ACVR1: variants seen among roughly 807,000 people sequenced by gnomAD.
ACVR1 encodes activin A receptor type 1, also known as activin receptor type-1.
A neutral mutation model predicts 57.1 loss-of-function variants in ACVR1; 38 were observed. The observed-to-expected ratio is 0.67, with a 90% CI of 0.51 to 0.87. ACVR1 has a LOEUF of 0.87. Among genes scored for constraint, ACVR1 ranks in the 40% least tolerant of loss-of-function variants. ACVR1 has a pLI of 0.00. For synonymous variants in ACVR1, 212 were observed against 228.1 expected (o/e 0.93, Z 0.63); for missense variants, 463 against 638.2 (o/e 0.73, Z 2.96).
chr2:157,798,729 T>C (rs1431013800), intron 3 of ACVR1, among the ~76,000 whole-genome samples: 1 of 152,094 alleles, frequency 6.6e-6, no homozygotes, highest in Non-Finnish European at 1.5e-5. Flanking sequence ...GGTTTCACCA[T>C]GTTGGCCAGG....
chr2:157,807,905 C>T (rs1009746777), intron 2 of ACVR1, among the ~76,000 whole-genome samples: 6 of 135,730 alleles, frequency 4.4e-5, no homozygotes, highest in African/African-American at 1.6e-4. Flanking sequence ...CAGAGAGGTA[C>T]ATTTCTCTCT....
At chr2:157,766,487 A>G (rs1333968002) in intron 7 of ACVR1, among the ~76,000 whole-genome samples, 1 of 152,204 alleles carries the variant, frequency 6.6e-6, no homozygotes, top group Non-Finnish European at 1.5e-5. Context: ...CTTTGTGCTC[A>G]CCCATAATGA....
intron 2 of ACVR1, among the ~76,000 whole-genome samples, chr2:157,800,533 T>C (rs1471690887): frequency 6.6e-6 from 1 of 152,120 alleles, no homozygotes; most frequent in Non-Finnish European, 1.5e-5. Flanking sequence ...TTACAAACCA[T>C]ACCTCCATCA....
rs576106158 is a variant in ACVR1, at chr2:157,810,421, C to A, written c.-8+7964G>T. ...GCCAGGCCCCATTCCTTCCTTCTTTCTCAAGGATGGGCCAGAAAGGCCCAA... is the reference window on the plus strand; with the variant it reads ...GCCAGGCCCCATTCCTTCCTTCTTTATCAAGGATGGGCCAGAAAGGCCCAA... On this transcript the variant is annotated intron_variant, in intron 2 of 10. Transcript: ENST00000434821. Among the ~76,000 whole-genome samples, 4 of 152,296 alleles carry A rather than the reference C, an allele frequency of 2.6e-5. No individual in the cohort carries two copies. The South Asian group carries it at 8.3e-4, about 32-fold the overall frequency.
At chr2:157,785,669 A>C (rs1261264852) in intron 3 of ACVR1, among the ~76,000 whole-genome samples, 2 of 152,178 alleles carry the variant, frequency 1.3e-5, no homozygotes, top group Non-Finnish European at 2.9e-5. Context: ...TTTTTTCCTT[A>C]TCCGAGAGAC....
chr2:157,774,631 T>G (rs1226803717), intron 5 of ACVR1, among the ~76,000 whole-genome samples: 1 of 152,236 alleles, frequency 6.6e-6, no homozygotes, highest in East Asian at 1.9e-4. Context: ...CCCAAAGCAC[T>G]GGGATTACAG....
chr2:157,809,877 C>A (rs1427325525), intron 2 of ACVR1, among the ~76,000 whole-genome samples: 2 of 151,968 alleles, frequency 1.3e-5, no homozygotes, highest in Non-Finnish European at 2.9e-5. Flanking sequence ...GATCTCAAGA[C>A]CAGCATGGGC....
chr2:157,777,586 T>C (rs1012935959), intron 5 of ACVR1, among the ~76,000 whole-genome samples: 1 of 152,222 alleles, frequency 6.6e-6, no homozygotes, highest in African/African-American at 2.4e-5. Context: ...TTACATGTGA[T>C]GCACATGTTT....
At chr2:157,836,698 TC>T (rs1688794099) in intron 1 of ACVR1, among the ~76,000 whole-genome samples, 1 of 152,042 alleles carries the variant, frequency 6.6e-6, no homozygotes, top group African/African-American at 2.4e-5. Context: ...TAGCACTGAG[TC>T]CCCAGTCCCT....
chr2:157,751,735 G>A (rs992591280), intron 9 of ACVR1, among the ~76,000 whole-genome samples: 1 of 152,152 alleles, frequency 6.6e-6, no homozygotes, highest in African/African-American at 2.4e-5. Flanking sequence ...CAGCCATAAT[G>A]CTGGGAACAT....
intron 8 of ACVR1, among the ~76,000 whole-genome samples, chr2:157,762,006 T>G (rs1342851234): frequency 1.3e-5 from 2 of 152,148 alleles, no homozygotes; most frequent in East Asian, 3.8e-4. Context: ...GGATGACAAT[T>G]TCATATAACA....
At chr2:157,843,800 T>TA (rs1482312072) in intron 1 of ACVR1, among the ~76,000 whole-genome samples, 13 of 152,266 alleles carry the variant, frequency 8.5e-5, no homozygotes, top group Admixed American at 2.0e-4. Context: ...AGTAAAACTC[T>TA]AAATGAAGAT....
intron 1 of ACVR1, among the ~76,000 whole-genome samples, chr2:157,859,768 C>T (rs548931911): frequency 1.1e-4 from 16 of 152,244 alleles, no homozygotes; most frequent in Admixed American, 3.9e-4. Flanking sequence ...GCCCACACTT[C>T]GATTATCCCC....
chr2:157,782,141 A>C (rs1204936182), intron 3 of ACVR1, among the ~76,000 whole-genome samples: 2 of 152,144 alleles, frequency 1.3e-5, no homozygotes, highest in Admixed American at 6.5e-5. Flanking sequence ...TTATCTCAAA[A>C]AGAGAAAAGC....
intron 6 of ACVR1, 119 bp downstream of exon 6, chr2:157,773,969 A>T (rs75757074): frequency 1.2e-6 from 1 of 825,450 alleles, no homozygotes; most frequent in Non-Finnish European, 2.0e-6. Flanking sequence ...ACCACATCTC[A>T]TAAGTTTAAT....
rs113375105 is a variant in ACVR1, at chr2:157,749,634, G to A, written c.1265-11064C>T. 5.3e-3 allele frequency among the ~76,000 whole-genome samples: 813 copies of A among 152,316 alleles called. 5 individuals are homozygous for A. Among genetic ancestry groups the A allele is most frequent in the African/African-American group, 0.018 (747 of 41,572 alleles). On this transcript the variant is annotated intron_variant, in intron 9 of 10. Coordinates refer to ENST00000434821, the MANE Select transcript of ACVR1 (RefSeq NM_001111067.4). ...GGAGGGTGGGAAGAAAGGTAAAACA[G>A]GAAGCTGGAGAAAGACAAGAATGAA...
At chr2:157,739,981 C>T (rs1574003043) in intron 9 of ACVR1, among the ~76,000 whole-genome samples, 1 of 151,940 alleles carries the variant, frequency 6.6e-6, no homozygotes, top group South Asian at 2.1e-4. Context: ...GGTCAGTGTT[C>T]GAGACAAGCC....
intron 5 of ACVR1, among the ~76,000 whole-genome samples, chr2:157,777,395 T>A (rs1416399221): frequency 1.3e-5 from 2 of 152,218 alleles, no homozygotes; most frequent in African/African-American, 4.8e-5. Flanking sequence ...TTTTGAAAAT[T>A]TACTTCAAAA....
At chr2:157,837,665 G>T (rs902873248) in intron 1 of ACVR1, among the ~76,000 whole-genome samples, 1 of 152,108 alleles carries the variant, frequency 6.6e-6, no homozygotes, top group Non-Finnish European at 1.5e-5. Flanking sequence ...AAGCAACCCA[G>T]ACAAACAGGC....
Sources: gnomAD v4.1 joint callset for allele counts (sites outside exome capture counted in the v4.1 genomes callset) on GRCh38, gnomAD v4.1.1 for gene constraint, MANE v1.5 for transcripts, NCBI Gene and HGNC (gene_info 2026-07-23, HGNC 2026-07-21) for gene names.